FOXP1: variants seen among roughly 807,000 people sequenced by gnomAD.
FOXP1 encodes forkhead box protein P1.
FOXP1 carries 15 observed loss-of-function variants against 98.2 expected under a neutral mutation model. That is an observed-to-expected ratio of 0.15 (90% confidence interval 0.10 to 0.24). FOXP1 has a LOEUF of 0.24. FOXP1 is among the 10% of genes least tolerant of loss of function. FOXP1 has a pLI of 1.00. For synonymous variants in FOXP1, 371 were observed against 314.5 expected (o/e 1.18, Z -1.90); for missense variants, 633 against 848.5 (o/e 0.75, Z 3.15).
At chr3:71,126,669 CA>C (rs1308605300) in intron 6 of FOXP1, among the ~76,000 whole-genome samples, 2 of 151,346 alleles carry the variant, frequency 1.3e-5, no homozygotes, top group East Asian at 3.9e-4. Flanking sequence ...ACTAAAAATA[CA>C]AAAATTAGCC....
chr3:71,272,369 G>A (rs1419053077), intron 5 of FOXP1, among the ~76,000 whole-genome samples: 1 of 152,176 alleles, frequency 6.6e-6, no homozygotes, highest in African/African-American at 2.4e-5. Context: ...CTGAGGCTCC[G>A]TGTAGAATTA....
At chr3:71,495,585 T>C (rs539122297) in intron 2 of FOXP1, among the ~76,000 whole-genome samples, 1 of 152,346 alleles carries the variant, frequency 6.6e-6, no homozygotes, top group African/African-American at 2.4e-5. Context: ...GGGTATTGTT[T>C]TAAGTCTTTT....
intron 17 of FOXP1, among the ~76,000 whole-genome samples, chr3:70,973,662 ATTC>A (rs1371190820): frequency 6.6e-6 from 1 of 152,126 alleles, no homozygotes; most frequent in African/African-American, 2.4e-5. Context: ...ACATGAAGAC[ATTC>A]TAAAGAGATT....
intron 2 of FOXP1, among the ~76,000 whole-genome samples, chr3:71,496,761 T>C (rs2091444324): frequency 6.6e-6 from 1 of 151,890 alleles, no homozygotes; most frequent in Admixed American, 6.6e-5. Context: ...GAGCTGAGAT[T>C]GCGCCAATGC....
At chr3:71,245,805 C>A (rs1374772827) in intron 5 of FOXP1, among the ~76,000 whole-genome samples, 1 of 151,202 alleles carries the variant, frequency 6.6e-6, no homozygotes, top group Non-Finnish European at 1.5e-5. Context: ...TCACCACCCC[C>A]CCCACCCACA....
chr3:71,351,894 C>T (rs940386900), intron 4 of FOXP1, among the ~76,000 whole-genome samples: 1 of 152,222 alleles, frequency 6.6e-6, no homozygotes, highest in Admixed American at 6.5e-5. Flanking sequence ...TTAACAGGCA[C>T]ATCCAACTGG....
chr3:71,370,240 G>C (rs972160493), intron 3 of FOXP1, among the ~76,000 whole-genome samples: 1 of 152,120 alleles, frequency 6.6e-6, no homozygotes. Context: ...AATAGATTGA[G>C]TAATACAGAA....
At chr3:71,018,237 TTTAGTTCAAC>T (rs904676093) in intron 11 of FOXP1, among the ~76,000 whole-genome samples, 20 of 152,202 alleles carry the variant, frequency 1.3e-4, no homozygotes, top group Non-Finnish European at 2.8e-4. Flanking sequence ...AGAATTTACT[TTTAGTTCAAC>T]TTGTTATCCC....
chr3:71,047,962 G>A (rs1426397303), intron 9 of FOXP1, among the ~76,000 whole-genome samples: 2 of 152,178 alleles, frequency 1.3e-5, no homozygotes, highest in African/African-American at 4.8e-5. Context: ...AAAAATTAAT[G>A]TAGATTTCCT....
At chr3:71,239,420 C>T (rs980028782) in intron 5 of FOXP1, among the ~76,000 whole-genome samples, 12 of 151,806 alleles carry the variant, frequency 7.9e-5, no homozygotes, top group African/African-American at 2.7e-4. Context: ...GGCACGTGCC[C>T]GTAATCCCAG....
chr3:71,536,087 A>G (rs2044268681), intron 2 of FOXP1, among the ~76,000 whole-genome samples: 2 of 152,160 alleles, frequency 1.3e-5, no homozygotes, highest in Non-Finnish European at 2.9e-5. Context: ...AAGCACAGTC[A>G]AAACACAACG....
chr3:71,489,391 G>C (rs2106970676), intron 3 of FOXP1, among the ~76,000 whole-genome samples: 1 of 152,230 alleles, frequency 6.6e-6, no homozygotes, highest in South Asian at 2.1e-4. Flanking sequence ...TACCAGCAAG[G>C]GACAACCTAG....
intron 2 of FOXP1, among the ~76,000 whole-genome samples, chr3:71,528,261 A>G (rs575296742): frequency 6.6e-6 from 1 of 152,226 alleles, no homozygotes; most frequent in Non-Finnish European, 1.5e-5. Flanking sequence ...AGAATTCCCT[A>G]ACTTTCAAAC....
At chr3:71,334,019 AAAAC>A (rs1395068691) in intron 4 of FOXP1, 2 of 152,232 alleles carry the variant, frequency 1.3e-5, no homozygotes, top group Non-Finnish European at 2.9e-5. Context: ...GTTAAAATGA[AAAAC>A]AAAATCAAAC....
intron 2 of FOXP1, among the ~76,000 whole-genome samples, chr3:71,569,478 A>G (rs1363041492): frequency 6.6e-6 from 1 of 152,324 alleles, no homozygotes; most frequent in East Asian, 1.9e-4. Flanking sequence ...AATGCATACA[A>G]TGGAAGAGCA....
chr3:71,162,410 G>A (rs2061182725), intron 6 of FOXP1, among the ~76,000 whole-genome samples: 1 of 152,158 alleles, frequency 6.6e-6, no homozygotes, highest in East Asian at 1.9e-4. Flanking sequence ...TATAAGCATT[G>A]TCCATATGAT....
intron 13 of FOXP1, among the ~76,000 whole-genome samples, chr3:70,989,104 T>G (rs2040213907): frequency 6.6e-6 from 1 of 152,178 alleles, no homozygotes; most frequent in Non-Finnish European, 1.5e-5. Flanking sequence ...TAAAGTTTTT[T>G]AAAGTCAAAT....
chr3:70,978,158 C>T (rs2037995942), intron 14 of FOXP1, 129 bp from the exon 15 acceptor site: 1 of 756,292 alleles, frequency 1.3e-6, no homozygotes, highest in South Asian at 1.5e-5. Flanking sequence ...GGTATGTTTA[C>T]CATGAACCGA....
At chr3:71,087,145 C>T (rs972824538) in intron 7 of FOXP1, among the ~76,000 whole-genome samples, 5 of 152,136 alleles carry the variant, frequency 3.3e-5, no homozygotes, top group Non-Finnish European at 5.9e-5. Context: ...TGGATTTCCT[C>T]GGGACAGTCC....
Sources: gnomAD v4.1 joint callset for allele counts (sites outside exome capture counted in the v4.1 genomes callset) on GRCh38, gnomAD v4.1.1 for gene constraint, MANE v1.5 for transcripts, NCBI Gene and HGNC (gene_info 2026-07-23, HGNC 2026-07-21) for gene names.